Variants in ACTR3B observed in about 807,000 individuals in gnomAD.
ACTR3B encodes the protein actin-related protein 3B.
ACTR3B carries 8 observed loss-of-function variants against 59.0 expected under a neutral mutation model. That is an observed-to-expected ratio of 0.14 (90% confidence interval 0.08 to 0.24). ACTR3B has a LOEUF of 0.24. Among genes scored for constraint, ACTR3B ranks in the 10% least tolerant of loss-of-function variants. The probability of loss-of-function intolerance (pLI) is 1.00; values close to 1 mark genes in which losing one functional copy is unlikely to be tolerated. For synonymous variants in ACTR3B, 148 were observed against 197.9 expected, an observed-to-expected ratio of 0.75 and a Z score of 2.12; for missense variants, 245 against 552.3, an observed-to-expected ratio of 0.44 and a Z score of 5.58.
chr7:152,841,948 G>T (rs1797900934), intron 9 of ACTR3B, among the ~76,000 whole-genome samples: 2 of 152,332 alleles, frequency 1.3e-5, no homozygotes, highest in South Asian at 4.1e-4. Context: ...GGTTTGAAAA[G>T]ATGTGACAAG....
intron 4 of ACTR3B, among the ~76,000 whole-genome samples, chr7:152,802,023 C>T (rs2098238413): frequency 1.3e-5 from 2 of 152,114 alleles, no homozygotes; most frequent in African/African-American, 4.8e-5. Flanking sequence ...CTGTTTGTTC[C>T]CCCTGGGTCC....
rs192922711 is a variant in ACTR3B at position 152,826,575 on chromosome 7, G to A, written c.951+1453G>A. Among the ~76,000 whole-genome samples, 462 of 152,320 alleles carry A rather than the reference G, an allele frequency of 3.0e-3. 2 individuals are homozygous for A. The highest frequency in any genetic ancestry group is 5.3e-3 in the Non-Finnish European group (362 of 68,042). On this transcript the variant is annotated intron_variant, in intron 9 of 11. Transcript: ENST00000256001. Reference sequence around the variant, plus strand: ...GAGTATGCAAATGAAGAAAGCTAGCGGGTCATGTCCTTCCCACTTCAATCC... The same window carrying A: ...GAGTATGCAAATGAAGAAAGCTAGCAGGTCATGTCCTTCCCACTTCAATCC...
chr7:152,831,878 G>C (rs973847409), intron 9 of ACTR3B, among the ~76,000 whole-genome samples: 3 of 152,158 alleles, frequency 2.0e-5, no homozygotes, highest in Non-Finnish European at 2.9e-5. Flanking sequence ...CTGGGGCTCC[G>C]AGGAAAGACA....
chr7:152,804,850 T>C (rs1296967391), intron 4 of ACTR3B, among the ~76,000 whole-genome samples: 2 of 152,146 alleles, frequency 1.3e-5, no homozygotes, highest in Non-Finnish European at 2.9e-5. Context: ...TCCAGCACTT[T>C]GCTCCCAGTC....
chr7:152,793,695 GTCTTTTC>G (rs2098205546), intron 2 of ACTR3B, among the ~76,000 whole-genome samples: 1 of 112,740 alleles, frequency 8.9e-6, no homozygotes, highest in Non-Finnish European at 1.9e-5. Context: ...TCTATTCATT[GTCTTTTC>G]TCTTTTCAGT....
At chr7:152,765,836 A>G (rs998699670) in intron 1 of ACTR3B, among the ~76,000 whole-genome samples, 19 of 152,160 alleles carry the variant, frequency 1.2e-4, no homozygotes, top group African/African-American at 4.3e-4. Context: ...GCAGAGTCTT[A>G]GAGCATGGTG....
chr7:152,846,738 C>T (rs1378491440), intron 9 of ACTR3B, among the ~76,000 whole-genome samples: 9 of 143,976 alleles, frequency 6.3e-5, no homozygotes, highest in South Asian at 2.2e-4. Context: ...TTCTAGCGCC[C>T]GGGGCTGTAG....
chr7:152,841,512 T>G (rs1797868348), intron 9 of ACTR3B, among the ~76,000 whole-genome samples: 2 of 152,088 alleles, frequency 1.3e-5, no homozygotes. Flanking sequence ...GTTTACTGGT[T>G]CACATGAGAA....
In ACTR3B at chr7:152,823,259, C is replaced by T; in HGVS notation, c.685-83C>T. 5 of 1,567,806 alleles carry T rather than the reference C, an allele frequency of 3.2e-6. No homozygotes were observed. The South Asian group carries it at 4.8e-5, about 15-fold the overall frequency. Reference sequence around the variant, plus strand: ...GTTCTGATCCCAGGGTGTGTTTGCTCATGGGCTTCCTGGTTATTTGTCTGA... The same window carrying T: ...GTTCTGATCCCAGGGTGTGTTTGCTTATGGGCTTCCTGGTTATTTGTCTGA... On this transcript the variant is annotated intron_variant, in intron 7 of 11. Transcript: ENST00000256001.
chr7:152,793,304 G>T (rs1424994097), intron 2 of ACTR3B, among the ~76,000 whole-genome samples: 18 of 63,616 alleles, frequency 2.8e-4, no homozygotes, highest in African/African-American at 1.0e-3. Flanking sequence ...ATATATCCCA[G>T]ATGTCCCTGA....
At position 152,789,023 on chromosome 7, in the gene ACTR3B, A is replaced by AAACAACAACAAC. The variant is rs71182042; in HGVS notation, c.100+5799_100+5810dup. On this transcript the variant is annotated intron_variant, in intron 2 of 11. Transcript: ENST00000256001. ...GGCAGCAGAACCAGACGCTGTCTCA[A>AAACAACAACAAC]AACAACAACAACAACAACAACAACA... is the stretch of plus-strand genomic sequence containing the variant. Among the ~76,000 whole-genome samples the AAACAACAACAAC allele has an allele frequency of 2.5e-3, 368 of 146,520 alleles. 1 individual carries two copies. The highest frequency in any genetic ancestry group is 9.3e-3 in the African/African-American group (350 of 37,832).
Position 152,763,313 on chromosome 7 carries a change from C to CAAAAA in ACTR3B, c.44+3413_44+3417dup, listed in dbSNP as rs925259822. ...CTGGTGACAGAGCGAGACTCCATCT[C>CAAAAA]AAAAAAAAAAAAAAAAAAAAAAAAA... On this transcript the variant is annotated intron_variant, in intron 1 of 11. Coordinates refer to ENST00000256001, the MANE Select transcript of ACTR3B (RefSeq NM_020445.6). Among the ~76,000 whole-genome samples the CAAAAA allele has an allele frequency of 4.9e-4, 10 of 20,506 alleles. 1 individual carries two copies. Among genetic ancestry groups the CAAAAA allele is most frequent in the Admixed American group, 1.3e-3 (2 of 1,586 alleles). 13.5% of individuals were successfully genotyped at this position (20,506 alleles called of 152,430 possible). A position where few individuals can be genotyped will look rare whatever the true frequency, so the allele number is the denominator to read the frequency against.
chr7:152,816,535 T>C lies in ACTR3B; in HGVS notation c.487T>C (p.Leu163=). The change falls in exon 6 of 12, where the codon TTA becomes CTA. Residue 163 remains leucine (L), a synonymous_variant. Transcript: ENST00000256001. ...ATCTCGACAAGTGGGTGAACGTACG[T>C]TAACGGGGATAGTCATTGACAGCGG... ...WTSRQVGERT[L]TGIVIDSGDG... 1 of 1,607,970 alleles carries C rather than the reference T, an allele frequency of 6.2e-7. No individual in the cohort carries two copies. Among genetic ancestry groups the C allele is most frequent in the Non-Finnish European group, 8.5e-7 (1 of 1,176,940 alleles).
chr7:152,783,918 C>T (rs1387094400), intron 2 of ACTR3B, among the ~76,000 whole-genome samples: 4 of 151,888 alleles, frequency 2.6e-5, no homozygotes, highest in African/African-American at 7.3e-5. Context: ...GTTGGAACCC[C>T]GTCTCTATCA....
intron 9 of ACTR3B, among the ~76,000 whole-genome samples, chr7:152,838,845 G>T (rs953822929): frequency 3.3e-5 from 5 of 152,194 alleles, no homozygotes; most frequent in African/African-American, 1.2e-4. Flanking sequence ...GAGTCTTTCT[G>T]TTTGTCCTGG....
intron 10 of ACTR3B, among the ~76,000 whole-genome samples, chr7:152,852,470 G>A (rs1013309996): frequency 2.0e-5 from 3 of 152,192 alleles, no homozygotes; most frequent in African/African-American, 4.8e-5. Context: ...ACACAGCAAC[G>A]GCAGCTTCAC....
intron 1 of ACTR3B, among the ~76,000 whole-genome samples, chr7:152,780,514 A>G (rs146761942): frequency 0.012 from 1,838 of 152,008 alleles, 16 homozygotes; most frequent in Non-Finnish European, 0.017. Context: ...AAGAATCTGA[A>G]CATTCCAGCA....
chr7:152,814,564 C>A lies in ACTR3B; in HGVS notation c.351C>A (p.Leu117=). Residue 117 remains leucine (L), a synonymous_variant, in exon 5 of 12, where the codon CTC becomes CTA. Transcript: ENST00000256001. ...TTTTCTTACAGACAGAACCTCCACT[C>A]AATACACCAGAAAACAGAGAGTATC... ...DHYFLMTEPP[L]NTPENREYLA... 1 of 1,611,750 alleles carries A rather than the reference C, an allele frequency of 6.2e-7. No individual in the cohort carries two copies. Among genetic ancestry groups the A allele is most frequent in the Non-Finnish European group, 8.5e-7 (1 of 1,178,418 alleles).
chr7:152,850,553 C>T (rs1345529729), intron 9 of ACTR3B, among the ~76,000 whole-genome samples: 4 of 152,276 alleles, frequency 2.6e-5, no homozygotes, highest in Non-Finnish European at 4.4e-5. Context: ...GTGGCTTCTG[C>T]CCCGTTTCAT....
Sources: allele counts gnomAD v4.1 joint callset (sites outside exome capture counted in the v4.1 genomes callset), GRCh38; gene constraint gnomAD v4.1.1; transcripts MANE v1.5; gene names NCBI Gene and HGNC (gene_info 2026-07-23, HGNC 2026-07-21).